Variants in TBRG4 observed in about 807,000 individuals in gnomAD.
TBRG4 encodes the protein transforming growth factor beta regulator 4.
TBRG4 carries 43 observed loss-of-function variants against 65.6 expected under a neutral mutation model. That is an observed-to-expected ratio of 0.66 (90% CI 0.51 to 0.85). The LOEUF (loss-of-function observed/expected upper bound fraction) is 0.85, where lower values mean the gene tolerates loss of function less well. TBRG4 is among the 40% of genes least tolerant of loss of function. TBRG4 has a pLI of 0.00. For synonymous variants in TBRG4, 366 were observed against 341.4 expected (o/e 1.07, Z -0.79); for missense variants, 709 against 787.9 (o/e 0.90, Z 1.20).
At chr7:45,107,958 TC>T (rs1785012051) in intron 2 of TBRG4, among the ~76,000 whole-genome samples, 1 of 152,230 alleles carries the variant, frequency 6.6e-6, no homozygotes, top group Non-Finnish European at 1.5e-5. Context: ...GAACAAAAGT[TC>T]CATGAGACAT....
In TBRG4 at chr7:45,104,786, G is replaced by A. The variant is rs377359964; in HGVS notation, c.736-77C>T. Reference sequence around the variant, plus strand: ...ATGAGCTGGGGGCAGGGGTCCCATGGTCCCATCCAGTGCAGCCCCTGTGAC... The same window carrying A: ...ATGAGCTGGGGGCAGGGGTCCCATGATCCCATCCAGTGCAGCCCCTGTGAC... On this transcript the variant is annotated intron_variant, in intron 3 of 10. Transcript: ENST00000258770. The A allele has an allele frequency of 1.1e-5, 18 of 1,569,406 alleles. No homozygotes were observed. In the African/African-American group the frequency reaches 2.0e-4, roughly 18 times the overall value.
chr7:45,102,739 G>T, intron 6 of TBRG4: 1 of 531,956 alleles, frequency 1.9e-6, no homozygotes, highest in Non-Finnish European at 3.3e-6. Flanking sequence ...GCTGAATGCT[G>T]GCATTTGATT....
chr7:45,110,532 T>G (rs1344802774), intron 1 of TBRG4, among the ~76,000 whole-genome samples: 2 of 150,160 alleles, frequency 1.3e-5, no homozygotes, highest in Admixed American at 1.3e-4. Context: ...CCGGGCGTGG[T>G]GGCGGGCACC....
At chr7:45,103,042 A>T in intron 6 of TBRG4, 1 of 475,344 alleles carries the variant, frequency 2.1e-6, no homozygotes, top group Non-Finnish European at 3.9e-6. Flanking sequence ...TGGTGCACAT[A>T]GCACGAAGGC....
rs781372601 is a variant in TBRG4, at chr7:45,108,978, T to C, written c.260A>G (p.Glu87Gly). Residue 87 changes from glutamate to glycine, a missense_variant, in exon 2 of 11, where the codon GAG becomes GGG. Glu to Gly is a moderately conservative substitution (Grantham distance 98, BLOSUM62 -2). Transcript: ENST00000258770. Reference sequence around the variant, plus strand: ...CAAGTCGTGACTGCCACCAAGTAGCTCCAGGAGCTCCTCTGGCCTTGTGGC... The same window carrying C: ...CAAGTCGTGACTGCCACCAAGTAGCCCCAGGAGCTCCTCTGGCCTTGTGGC... Reference protein sequence around the residue: ...KKATRPEELLELLGGSHDLDS... With the variant: ...KKATRPEELLGLLGGSHDLDS... 1.6e-5 allele frequency: 25 copies of C among 1,612,656 alleles called. No individual in the cohort carries two copies. In the South Asian group the frequency reaches 2.6e-4, roughly 17 times the overall value.
chr7:45,109,110 G>C lies in TBRG4; in HGVS notation c.128C>G (p.Ala43Gly), dbSNP rs1290491821. The C allele has an allele frequency of 1.9e-6, 3 of 1,614,182 alleles. No homozygotes were observed. The highest frequency in any genetic ancestry group is 2.2e-5 in the South Asian group (2 of 91,090). ...TGGGAGGTGGGAAATGGGTGAGGTG[G>C]CTGAGGAAGTCAGAGTCTTATGGGC... ...WVAHKTLTSS[A>G]TSPISHLPGS... The change falls in exon 2 of 11, where the codon GCC (alanine) becomes GGC (glycine). Residue 43 changes from alanine to glycine, a missense_variant. Coordinates refer to ENST00000258770, the MANE Select transcript of TBRG4 (RefSeq NM_004749.4).
rs753137398 is a variant in TBRG4 at position 45,102,501 on chromosome 7, G to C, written c.1177-10C>G. On this transcript the variant is annotated splice_polypyrimidine_tract_variant and intron_variant, in intron 6 of 10. Coordinates refer to ENST00000258770, the MANE Select transcript of TBRG4 (RefSeq NM_004749.4). ...CCAGCTTCTCATGTACCTGGGCAAG[G>C]ATAGAGTGTGGTGGAGAAAGCAGGC... 5.0e-6 allele frequency: 8 copies of C among 1,606,560 alleles called. No individual in the cohort carries two copies. The Admixed American group carries it at 5.0e-5, about 10-fold the overall frequency.
chr7:45,104,712 G>A lies in TBRG4; in HGVS notation c.736-3C>T, dbSNP rs1252864722. 2 of 1,613,226 alleles carry A rather than the reference G, an allele frequency of 1.2e-6. No individual in the cohort carries two copies. Among genetic ancestry groups the A allele is most frequent in the East Asian group, 2.2e-5 (1 of 44,890 alleles). On this transcript the variant is annotated splice_polypyrimidine_tract_variant and splice_region_variant and intron_variant, in intron 3 of 10. Transcript: ENST00000258770. ...AAGTGCTCCACCAACTCCAGGCACT[G>A]TCAACCACAGCCGCGCAGAGGTCAG...
chr7:45,101,774 C>T (rs758301169), intron 8 of TBRG4, 51 bp downstream of exon 8: 12 of 1,599,360 alleles, frequency 7.5e-6, no homozygotes, highest in South Asian at 1.1e-5. Flanking sequence ...AGAAGAGTCC[C>T]GTTAGACTCA....
intron 1 of TBRG4, among the ~76,000 whole-genome samples, chr7:45,109,589 C>T (rs146110365): frequency 2.6e-3 from 390 of 152,122 alleles, no homozygotes; most frequent in African/African-American, 9.0e-3. Context: ...CAGGTCCTGC[C>T]CAAGGCCTCC....
At chr7:45,104,989 T>C (rs1784892567) in intron 3 of TBRG4, 1 of 749,436 alleles carries the variant, frequency 1.3e-6, no homozygotes, top group South Asian at 1.4e-5. Flanking sequence ...GTGGCAGCCA[T>C]CTGGGCCAGC....
rs199830235 is a variant in TBRG4, at chr7:45,104,115, A to G, written c.1049T>C (p.Phe350Ser). ...CTGGCTCACCTGGGCAAAGGCCTCAAACAGGGGCAGGCTGAGCCACTTGAG... is the reference window on the plus strand; with the variant it reads ...CTGGCTCACCTGGGCAAAGGCCTCAGACAGGGGCAGGCTGAGCCACTTGAG... ...ALLKWLSLPLFEAFAQHVLNR... is the reference protein window; with the variant it reads ...ALLKWLSLPLSEAFAQHVLNR... Residue 350 changes from phenylalanine (F) to serine (S), a missense_variant, in exon 5 of 11, where the codon TTT becomes TCT. Phe to Ser is a radical substitution (Grantham distance 155). Transcript: ENST00000258770. 2.5e-5 allele frequency: 41 copies of G among 1,609,356 alleles called. No individual in the cohort carries two copies. Among genetic ancestry groups the G allele is most frequent in the Non-Finnish European group, 3.4e-5 (40 of 1,177,948 alleles).
In TBRG4 at chr7:45,100,331, G is replaced by C. The variant is rs778346561; in HGVS notation, c.1890C>G (p.Ala630=). The C allele has an allele frequency of 6.2e-7, 1 of 1,613,892 alleles. No individual in the cohort carries two copies. Among genetic ancestry groups the C allele is most frequent in the Non-Finnish European group, 8.5e-7 (1 of 1,179,864 alleles). Residue 630 remains alanine, a synonymous_variant, in exon 11 of 11, where the codon GCC becomes GCG. Coordinates refer to ENST00000258770, the MANE Select transcript of TBRG4 (RefSeq NM_004749.4). ...TCCATGCTGCTGGCACAAGTCACTT[G>C]GCCAGCTCCTCAGCCACCGCTTTGC... is the stretch of plus-strand genomic sequence containing the variant. ...KMRKAVAEEL[A]K
chr7:45,111,150 A>G (rs1211378688), intron 1 of TBRG4, among the ~76,000 whole-genome samples: 3 of 151,984 alleles, frequency 2.0e-5, no homozygotes, highest in Non-Finnish European at 4.4e-5. Context: ...TAATTTTTGT[A>G]TTTTTAGTAG....
intron 6 of TBRG4, 195 bp downstream of exon 6, chr7:45,103,138 C>T: frequency 1.7e-6 from 1 of 603,810 alleles, no homozygotes; most frequent in Non-Finnish European, 3.0e-6. Flanking sequence ...GGCAGTCAAC[C>T]AGACAGCAGG....
At chr7:45,102,999 T>A in intron 6 of TBRG4, 1 of 398,284 alleles carries the variant, frequency 2.5e-6, no homozygotes. Context: ...TCCTAAGGTC[T>A]TCATAAAGAA....
At chr7:45,100,747 C>G (rs543406796) in intron 10 of TBRG4, among the ~76,000 whole-genome samples, 1 of 152,372 alleles carries the variant, frequency 6.6e-6, no homozygotes, top group African/African-American at 2.4e-5. Context: ...CCTTGTGTGG[C>G]TCATGAAGCC....
At chr7:45,104,912 C>T in intron 3 of TBRG4, 1 of 884,252 alleles carries the variant, frequency 1.1e-6, no homozygotes, top group Non-Finnish European at 1.9e-6. Flanking sequence ...GGAGCACTGT[C>T]CACAGCCAAA....
rs893083846 is a variant in TBRG4, at chr7:45,101,143, G to A, written c.1794+115C>T. 1.6e-5 allele frequency: 16 copies of A among 993,576 alleles called. No homozygotes were observed. The Admixed American group carries it at 3.9e-4, about 24-fold the overall frequency. The allele number at this position is 993,576 out of a possible 1,614,324, so 61.5% of individuals were successfully genotyped here. On this transcript the variant is annotated intron_variant, in intron 10 of 10. Coordinates refer to ENST00000258770, the MANE Select transcript of TBRG4 (RefSeq NM_004749.4). ...TCCCTGGGCTCCTGGGAGAGGCCCG[G>A]GGCCACGGGCAGGGCATGTGTCTAT...
Sources: allele counts gnomAD v4.1 joint callset (sites outside exome capture counted in the v4.1 genomes callset), GRCh38; gene constraint gnomAD v4.1.1; transcripts MANE v1.5; gene names NCBI Gene and HGNC (gene_info 2026-07-23, HGNC 2026-07-21).